Variants in NPAS3 observed in about 807,000 individuals in gnomAD.
The protein encoded by NPAS3 is neuronal PAS domain protein 3, also known as neuronal PAS domain-containing protein 3.
NPAS3 carries 14 observed loss-of-function variants against 73.1 expected under a neutral mutation model. That is an observed-to-expected ratio of 0.19 (90% CI 0.13 to 0.30). The LOEUF (loss-of-function observed/expected upper bound fraction) is 0.30, where lower values mean the gene tolerates loss of function less well. Among genes scored for constraint, NPAS3 ranks in the 10% least tolerant of loss-of-function variants. NPAS3 has a pLI of 1.00. For synonymous variants in NPAS3, 620 were observed against 541.5 expected (o/e 1.14, Z -2.01); for missense variants, 1,096 against 1,250.0 (o/e 0.88, Z 1.86).
chr14:33,355,083 C>T (rs1257015077), intron 3 of NPAS3, among the ~76,000 whole-genome samples: 1 of 152,152 alleles, frequency 6.6e-6, no homozygotes, highest in African/African-American at 2.4e-5. Context: ...CCCAACATGT[C>T]TTCTTCATGC....
intron 2 of NPAS3, among the ~76,000 whole-genome samples, chr14:33,109,133 A>G (rs763442703): frequency 6.6e-6 from 1 of 152,304 alleles, no homozygotes; most frequent in Admixed American, 6.5e-5. Context: ...TATTACCACA[A>G]TCATTTGCCA....
intron 4 of NPAS3, among the ~76,000 whole-genome samples, chr14:33,411,802 T>A (rs1405024850): frequency 2.0e-5 from 3 of 152,192 alleles, no homozygotes; most frequent in Non-Finnish European, 4.4e-5. Context: ...TTCAATCTGC[T>A]AATTCTAACC....
In NPAS3 at chr14:33,373,836, G is replaced by A. The variant is rs759344176; in HGVS notation, c.468+6568G>A. On this transcript the variant is annotated intron_variant, in intron 4 of 11. Transcript: ENST00000356141. ...TGAGCATACTCTCTGAGGGGACTGA[G>A]TAAGAGCCTCCAAGAACATTCTAAG... Among the ~76,000 whole-genome samples the A allele has an allele frequency of 1.2e-4, 18 of 152,286 alleles. No individual in the cohort carries two copies. In the South Asian group the frequency reaches 1.9e-3, roughly 16 times the overall value.
intron 5 of NPAS3, among the ~76,000 whole-genome samples, chr14:33,667,954 A>G (rs959498324): frequency 6.6e-6 from 1 of 152,130 alleles, no homozygotes; most frequent in African/African-American, 2.4e-5. Context: ...CAGGATGTGC[A>G]GGTTACGTAG....
At chr14:32,992,999 A>G (rs938949093) in intron 1 of NPAS3, among the ~76,000 whole-genome samples, 5 of 152,002 alleles carry the variant, frequency 3.3e-5, no homozygotes, top group African/African-American at 9.7e-5. Context: ...TACTAAAAAT[A>G]CAAAAAATTA....
intron 4 of NPAS3, among the ~76,000 whole-genome samples, chr14:33,384,068 G>T (rs532788587): frequency 1.8e-4 from 28 of 152,122 alleles, no homozygotes; most frequent in Non-Finnish European, 3.7e-4. Flanking sequence ...TGTGTTTAAA[G>T]TAGCAATGAT....
At chr14:33,091,415 A>G (rs763261791) in intron 2 of NPAS3, among the ~76,000 whole-genome samples, 1 of 152,236 alleles carries the variant, frequency 6.6e-6, no homozygotes, top group Non-Finnish European at 1.5e-5. Context: ...TCCTTGACAC[A>G]TACACCCTCC....
In NPAS3 at chr14:33,770,678, T is replaced by C. The variant is rs759188780; in HGVS notation, c.853-3659T>C. Among the ~76,000 whole-genome samples the C allele has an allele frequency of 1.3e-4, 20 of 152,138 alleles. 1 individual carries two copies. Among genetic ancestry groups the C allele is most frequent in the Non-Finnish European group, 2.4e-4 (16 of 68,026 alleles). ...ACTTTGGGAGGCCGAGGTGGGCATA[T>C]CAATTGAGGTCAGGAGTTCAGGACC... On this transcript the variant is annotated intron_variant, in intron 7 of 11. Coordinates refer to ENST00000356141, the Ensembl canonical transcript of NPAS3.
intron 3 of NPAS3, among the ~76,000 whole-genome samples, chr14:33,249,588 C>G (rs1195980622): frequency 6.6e-6 from 1 of 152,092 alleles, no homozygotes; most frequent in Non-Finnish European, 1.5e-5. Flanking sequence ...CTAACTCTTT[C>G]CTTCTTCCTG....
chr14:33,451,250 A>G (rs927733369), intron 4 of NPAS3, among the ~76,000 whole-genome samples: 2 of 152,178 alleles, frequency 1.3e-5, no homozygotes, highest in Non-Finnish European at 2.9e-5. Context: ...GCCTGCCCCC[A>G]TATTTCCCCT....
chr14:33,161,144 T>C (rs2044866886), intron 2 of NPAS3, among the ~76,000 whole-genome samples: 1 of 152,232 alleles, frequency 6.6e-6, no homozygotes, highest in African/African-American at 2.4e-5. Context: ...TATTTAAAAG[T>C]ATTCTTTAGA....
chr14:33,178,851 A>G (rs1458928221), intron 2 of NPAS3, among the ~76,000 whole-genome samples: 2 of 152,128 alleles, frequency 1.3e-5, no homozygotes, highest in Non-Finnish European at 2.9e-5. Context: ...TTCCAGTACA[A>G]TGTTGAATAG....
chr14:33,111,287 G>A (rs371086255), intron 2 of NPAS3, among the ~76,000 whole-genome samples: 1 of 152,214 alleles, frequency 6.6e-6, no homozygotes, highest in African/African-American at 2.4e-5. Flanking sequence ...GGGCCCAGAG[G>A]CAGTTGGCCA....
intron 3 of NPAS3, among the ~76,000 whole-genome samples, chr14:33,268,039 T>C (rs964591914): frequency 6.6e-6 from 1 of 152,232 alleles, no homozygotes; most frequent in Non-Finnish European, 1.5e-5. Flanking sequence ...CTTCTTGATT[T>C]TTTTTTCAGC....
chr14:33,688,692 T>C (rs2060154836), intron 6 of NPAS3, among the ~76,000 whole-genome samples: 1 of 152,206 alleles, frequency 6.6e-6, no homozygotes, highest in Non-Finnish European at 1.5e-5. Flanking sequence ...ACAAGACCTG[T>C]CAACTCCAAG....
chr14:32,956,709 T>A (rs1231612300), intron 1 of NPAS3, among the ~76,000 whole-genome samples: 1 of 152,220 alleles, frequency 6.6e-6, no homozygotes, highest in Non-Finnish European at 1.5e-5. Context: ...ACATATGTCT[T>A]GAATACATGT....
At chr14:33,161,805 T>C (rs2044899453) in intron 2 of NPAS3, among the ~76,000 whole-genome samples, 1 of 152,208 alleles carries the variant, frequency 6.6e-6, no homozygotes, top group South Asian at 2.1e-4. Flanking sequence ...TGTTCATAAG[T>C]ACTTTGAAGG....
chr14:32,954,850 T>A (rs943634469), intron 1 of NPAS3, among the ~76,000 whole-genome samples: 1 of 152,190 alleles, frequency 6.6e-6, no homozygotes, highest in African/African-American at 2.4e-5. Flanking sequence ...ACCAAAAGTT[T>A]GATCATGCCT....
intron 4 of NPAS3, among the ~76,000 whole-genome samples, chr14:33,430,880 C>T (rs1303404316): frequency 7.9e-5 from 12 of 152,200 alleles, no homozygotes. Flanking sequence ...TTTAAGCAGT[C>T]AGATGCAACT....
Sources: allele counts gnomAD v4.1 joint callset (sites outside exome capture counted in the v4.1 genomes callset), GRCh38; gene constraint gnomAD v4.1.1; transcripts MANE v1.5; gene names NCBI Gene and HGNC (gene_info 2026-07-23, HGNC 2026-07-21).